HAPLN1: variants seen among roughly 807,000 people sequenced by gnomAD.
HAPLN1 encodes Cartilage link protein.
HAPLN1 carries 13 observed loss-of-function variants against 36.5 expected under a neutral mutation model. The ratio of observed to expected loss-of-function variants is 0.36; its 90% confidence interval spans 0.23 to 0.57. The LOEUF is 0.57. Ranked by LOEUF, HAPLN1 falls within the 20% of genes least tolerant of loss-of-function variation. HAPLN1 has a pLI of 0.83. For synonymous variants in HAPLN1, 202 were observed against 169.8 expected (o/e 1.19, Z -1.48); for missense variants, 407 against 439.7 (o/e 0.93, Z 0.66).
chr5:83,670,851 C>A (rs571692259), intron 2 of HAPLN1, among the ~76,000 whole-genome samples: 1 of 151,950 alleles, frequency 6.6e-6, no homozygotes, highest in Non-Finnish European at 1.5e-5. Flanking sequence ...CCTGCCACCA[C>A]GCCCGGCTAA....
In HAPLN1 at chr5:83,673,453, A is replaced by G. The variant is rs931144253; in HGVS notation, c.71T>C (p.Leu24Pro). The change falls in exon 2 of 5, where the codon CTG becomes CCG. Residue 24 changes from leucine (L) to proline (P), a missense_variant. Coordinates refer to ENST00000274341, the MANE Select transcript of HAPLN1 (RefSeq NM_001884.4). Reference protein sequence around the residue: ...WADHLSDNYTLDHDRAIHIQA... With the variant: ...WADHLSDNYTPDHDRAIHIQA... Reference sequence around the variant, plus strand: ...GATGTGAATAGCTCTGTCATGATCCAGAGTATAGTTGTCTGAAAGATGATC... The same window carrying G: ...GATGTGAATAGCTCTGTCATGATCCGGAGTATAGTTGTCTGAAAGATGATC... 12 of 1,612,016 alleles carry G rather than the reference A, an allele frequency of 7.4e-6. No homozygotes were observed. The highest frequency in any genetic ancestry group is 1.0e-5 in the Non-Finnish European group (12 of 1,179,018).
At chr5:83,654,601 G>C (rs910607761) in intron 2 of HAPLN1, among the ~76,000 whole-genome samples, 9 of 152,176 alleles carry the variant, frequency 5.9e-5, no homozygotes, top group African/African-American at 2.2e-4. Context: ...TCTTGTGGGG[G>C]GCAAGGGTGG....
At chr5:83,718,337 G>C (rs79420449) in intron 1 of HAPLN1, among the ~76,000 whole-genome samples, 5,852 of 152,166 alleles carry the variant, frequency 0.038, 320 homozygotes, top group African/African-American at 0.12. Context: ...AACGTCAACC[G>C]AGGGAGTCAG....
chr5:83,684,528 T>A (rs1285251639), intron 1 of HAPLN1, among the ~76,000 whole-genome samples: 1 of 151,700 alleles, frequency 6.6e-6, no homozygotes, highest in Non-Finnish European at 1.5e-5. Flanking sequence ...ATAGAAACGG[T>A]TTCAGAAAGG....
At chr5:83,698,856 G>A (rs1751447411) in intron 1 of HAPLN1, among the ~76,000 whole-genome samples, 1 of 152,098 alleles carries the variant, frequency 6.6e-6, no homozygotes, top group Admixed American at 6.6e-5. Flanking sequence ...AAATGAATTT[G>A]AACTTCATCA....
chr5:83,669,978 CAAA>C lies in HAPLN1; in HGVS notation c.100+3443_100+3445del, dbSNP rs1263051107. Among the ~76,000 whole-genome samples, 4 of 152,260 alleles carry C rather than the reference CAAA, an allele frequency of 2.6e-5. No individual in the cohort carries two copies. The East Asian group carries it at 5.8e-4, about 22-fold the overall frequency. On this transcript the variant is annotated intron_variant, in intron 2 of 4. Coordinates refer to ENST00000274341, the MANE Select transcript of HAPLN1 (RefSeq NM_001884.4). ...CATCAGAAGACCTCTGCTTGAACAC[CAAA>C]TGCAGGAAGCACTGACTCTGACCTT... is the stretch of plus-strand genomic sequence containing the variant.
intron 1 of HAPLN1, among the ~76,000 whole-genome samples, chr5:83,700,646 C>CTT (rs11352221): frequency 2.9e-5 from 4 of 139,078 alleles, no homozygotes; most frequent in Admixed American, 7.2e-5. Flanking sequence ...TCCTTTCAAA[C>CTT]TTTTTTTTTT....
intron 1 of HAPLN1, among the ~76,000 whole-genome samples, chr5:83,704,107 C>CA (rs34709377): frequency 3.1e-4 from 43 of 140,294 alleles, no homozygotes; most frequent in South Asian, 7.1e-4. Context: ...GCAACAGTCT[C>CA]AAAAAAAAAA....
At chr5:83,680,131 G>A (rs900823824) in intron 1 of HAPLN1, among the ~76,000 whole-genome samples, 2 of 152,038 alleles carry the variant, frequency 1.3e-5, no homozygotes, top group Non-Finnish European at 2.9e-5. Flanking sequence ...TCACCTAATC[G>A]AAGTGCATTT....
intron 1 of HAPLN1, among the ~76,000 whole-genome samples, chr5:83,714,854 G>C (rs1371863996): frequency 6.6e-6 from 1 of 152,204 alleles, no homozygotes; most frequent in Non-Finnish European, 1.5e-5. Flanking sequence ...AAGGGCTGAG[G>C]GGATCAAGAG....
intron 1 of HAPLN1, among the ~76,000 whole-genome samples, chr5:83,700,470 C>T (rs1420504083): frequency 6.6e-6 from 1 of 152,026 alleles, no homozygotes; most frequent in East Asian, 1.9e-4. Context: ...TCACCATGGA[C>T]ACTGTCATCT....
intron 1 of HAPLN1, among the ~76,000 whole-genome samples, chr5:83,705,272 C>A (rs1193395658): frequency 1.3e-5 from 2 of 151,438 alleles, no homozygotes; most frequent in Non-Finnish European, 2.9e-5. Flanking sequence ...CACCTGTAAT[C>A]CCAGCTACTC....
At chr5:83,646,514 C>T (rs937963941) in intron 3 of HAPLN1, among the ~76,000 whole-genome samples, 5 of 152,194 alleles carry the variant, frequency 3.3e-5, no homozygotes, top group African/African-American at 1.2e-4. Flanking sequence ...CCACTGAAGG[C>T]CTCGGTAGGA....
rs148493898 is a variant in HAPLN1, at chr5:83,645,330, G to T, written c.473-665C>A. Among the ~76,000 whole-genome samples the T allele has an allele frequency of 8.5e-5, 13 of 152,092 alleles. No homozygotes were observed. In the East Asian group the frequency reaches 2.5e-3, roughly 29 times the overall value. On this transcript the variant is annotated intron_variant, in intron 3 of 4. Coordinates refer to ENST00000274341, the MANE Select transcript of HAPLN1 (RefSeq NM_001884.4). ...TTCACTTAGGGGGGACTCTTATTTG[G>T]AGAAATGTGAAAACAAGCTTGTCCA...
At chr5:83,670,992 T>C (rs1051902231) in intron 2 of HAPLN1, among the ~76,000 whole-genome samples, 1 of 151,900 alleles carries the variant, frequency 6.6e-6, no homozygotes, top group Non-Finnish European at 1.5e-5. Flanking sequence ...CATGCCTGGC[T>C]TTCTTTCTTT....
rs1451849933 is a variant in HAPLN1, at chr5:83,710,303, GATAGATTAACCATAGAAGCCTGAA to G, written c.-27+10462_-27+10485del. ...TTTAGAAGCCTGAAATGGAGACTGA[GATAGATTAACCATAGAAGCCTGAA>G]ATCTAGGAAAGAATGACGCCACAAA... On this transcript the variant is annotated intron_variant, in intron 1 of 4. Coordinates refer to ENST00000274341, the MANE Select transcript of HAPLN1 (RefSeq NM_001884.4). Among the ~76,000 whole-genome samples the G allele has an allele frequency of 9.8e-5, 15 of 152,294 alleles. No individual in the cohort carries two copies. In the East Asian group the frequency reaches 2.9e-3, roughly 29 times the overall value.
intron 1 of HAPLN1, among the ~76,000 whole-genome samples, chr5:83,703,797 G>T (rs1751564495): frequency 6.6e-6 from 1 of 152,046 alleles, no homozygotes; most frequent in South Asian, 2.1e-4. Context: ...CTAGAATCTA[G>T]CAGGAGTTCT....
At chr5:83,693,094 T>C (rs538545701) in intron 1 of HAPLN1, among the ~76,000 whole-genome samples, 1 of 151,832 alleles carries the variant, frequency 6.6e-6, no homozygotes, top group Non-Finnish European at 1.5e-5. Flanking sequence ...ATGGAGCAAT[T>C]ATAACAATAT....
intron 1 of HAPLN1, among the ~76,000 whole-genome samples, chr5:83,714,592 A>G (rs1408217262): frequency 6.6e-6 from 1 of 152,114 alleles, no homozygotes; most frequent in Non-Finnish European, 1.5e-5. Context: ...TACATACCTG[A>G]GAAAATATTT....
Sources: gnomAD v4.1 joint callset for allele counts (sites outside exome capture counted in the v4.1 genomes callset) on GRCh38, gnomAD v4.1.1 for gene constraint, MANE v1.5 for transcripts, NCBI Gene and HGNC (gene_info 2026-07-23, HGNC 2026-07-21) for gene names.